The following DMD variants were observed in gnomAD, a reference collection of about 807,000 sequenced individuals.
The protein encoded by DMD is dystrophin, also known as mutant dystrophin.
DMD carries 63 observed loss-of-function variants against 330.1 expected under a neutral mutation model. The observed-to-expected ratio is 0.19, with a 90% CI of 0.16 to 0.24. The LOEUF (loss-of-function observed/expected upper bound fraction) is 0.24. Among genes scored for constraint, DMD ranks in the 10% least tolerant of loss-of-function variants. DMD has a pLI of 1.00. For missense variants in DMD, 3,344 were observed against 2,684.1 expected, an observed-to-expected ratio of 1.25 and a Z score of -5.43; for synonymous variants, 1,223 against 959.8, an observed-to-expected ratio of 1.27 and a Z score of -5.07.
chrX:33,175,922 C>T (rs1235512766), intron 1 of DMD, among the ~76,000 whole-genome samples: 2 of 111,651 alleles, frequency 1.8e-5, no homozygotes, highest in Non-Finnish European at 3.8e-5. Flanking sequence ...ATTTAATCTT[C>T]ATAGCAACCA....
At chrX:32,339,312 T>C (rs1292863876) in intron 41 of DMD, among the ~76,000 whole-genome samples, 2 of 112,067 alleles carry the variant, frequency 1.8e-5, no homozygotes, top group African/African-American at 6.5e-5. Context: ...TTCCTCAGTT[T>C]ACAGTCCGTG....
intron 28 of DMD, among the ~76,000 whole-genome samples, chrX:32,439,007 C>T (rs1408204383): frequency 4.5e-5 from 5 of 111,347 alleles, no homozygotes; most frequent in African/African-American, 1.6e-4. Context: ...TTCTCTGTTA[C>T]GTACATCCCA....
intron 44 of DMD, among the ~76,000 whole-genome samples, chrX:32,091,285 A>C (rs937273451): frequency 3.6e-5 from 4 of 112,034 alleles, no homozygotes; most frequent in Non-Finnish European, 7.5e-5. Context: ...TCTAAGAAAC[A>C]CCAGAGAATT....
At chrX:32,242,722 T>G (rs1003491332) in intron 43 of DMD, among the ~76,000 whole-genome samples, 4 of 111,277 alleles carry the variant, frequency 3.6e-5, no homozygotes, top group Non-Finnish European at 5.7e-5. Flanking sequence ...ATTATAATAC[T>G]TCATTTCTTG....
chrX:32,661,426 C>T (rs2060938896), intron 9 of DMD, among the ~76,000 whole-genome samples: 2 of 110,951 alleles, frequency 1.8e-5, no homozygotes, highest in Admixed American at 1.9e-4. Context: ...GAAACTTGCC[C>T]AAGGTCGAAG....
rs962952499 is a variant in DMD, at chrX:32,267,811, G to A, written c.6290+19718C>T. 4.5e-5 allele frequency among the ~76,000 whole-genome samples: 5 copies of A among 111,966 alleles called. No individual in the cohort carries two copies. The East Asian group carries it at 1.1e-3, about 25-fold the overall frequency. On this transcript the variant is annotated intron_variant, in intron 43 of 78. Coordinates refer to ENST00000357033, the MANE Select transcript of DMD (RefSeq NM_004006.3). The stretch of plus-strand genomic sequence containing the variant: ...AATTGGCTTGTGTAGGATTGTGCAC[G>A]TGACCTTTAATTTCCACTTCTAATT...
rs1162179227 is a variant in DMD at position 31,206,674 on chromosome X, T to C, written c.9564-7A>G. ...GATCCTCCCTGTTCGTCCCCTATTA[T>C]GAAGAATCAAAGCAGAAAACAATTA... is the stretch of plus-strand genomic sequence containing the variant. On this transcript the variant is annotated splice_region_variant and splice_polypyrimidine_tract_variant and intron_variant, in intron 65 of 78. Coordinates refer to ENST00000357033, the MANE Select transcript of DMD (RefSeq NM_004006.3). 1.5e-5 allele frequency: 18 copies of C among 1,195,961 alleles called. No homozygotes were observed. Among genetic ancestry groups the C allele is most frequent in the Non-Finnish European group, 1.8e-5 (16 of 883,142 alleles).
chrX:32,044,762 C>T, intron 44 of DMD, among the ~76,000 whole-genome samples: 1 of 111,803 alleles, frequency 8.9e-6, no homozygotes, highest in Non-Finnish European at 1.9e-5. Context: ...ACTATTATTC[C>T]AATGTTAATA....
intron 1 of DMD, among the ~76,000 whole-genome samples, chrX:33,182,036 C>A (rs899159824): frequency 8.9e-6 from 1 of 111,893 alleles, no homozygotes; most frequent in African/African-American, 3.3e-5. Flanking sequence ...TACTTATCCT[C>A]TATTTACAGC....
chrX:32,337,652 G>T (rs1416289753), intron 41 of DMD, among the ~76,000 whole-genome samples: 2 of 109,973 alleles, frequency 1.8e-5, no homozygotes, highest in Non-Finnish European at 3.8e-5. Context: ...CCTTATATTT[G>T]TTGCCATTAT....
chrX:32,204,107 T>C (rs1307857065), intron 44 of DMD, among the ~76,000 whole-genome samples: 1 of 111,634 alleles, frequency 9.0e-6, no homozygotes, highest in South Asian at 3.8e-4. Flanking sequence ...TATTATTCTT[T>C]TTATTAGTTT....
Position 33,092,997 on chromosome X carries a change from C to T in DMD, c.32-72797G>A, listed in dbSNP as rs773073784. The stretch of plus-strand genomic sequence containing the variant: ...CAAGCGATTCTCCAGCCTCAGCCTC[C>T]CAAGTAGCTAGGATTATAGGTGCCC... On this transcript the variant is annotated intron_variant, in intron 1 of 78. Transcript: ENST00000357033. Among the ~76,000 whole-genome samples the T allele has an allele frequency of 1.7e-4, 19 of 111,091 alleles. No homozygotes were observed. In the South Asian group the frequency reaches 6.1e-3, roughly 36 times the overall value.
chrX:32,809,083 C>T (rs778127513), intron 7 of DMD, among the ~76,000 whole-genome samples: 1 of 111,816 alleles, frequency 8.9e-6, no homozygotes, highest in Admixed American at 9.5e-5. Context: ...AATAGTAAAC[C>T]ATGTTGCCTT....
At chrX:32,907,950 G>A (rs185720757) in intron 2 of DMD, among the ~76,000 whole-genome samples, 5 of 109,905 alleles carry the variant, frequency 4.5e-5, no homozygotes, top group African/African-American at 1.7e-4. Context: ...GGTGCCCACA[G>A]CTCACAAATC....
intron 7 of DMD, chrX:32,756,136 T>A (rs929678138): frequency 8.9e-6 from 1 of 112,289 alleles, no homozygotes; most frequent in Non-Finnish European, 1.9e-5. Flanking sequence ...GTAACTATCA[T>A]TAAAATGCAT....
chrX:32,827,575 C>T (rs2078817306), intron 4 of DMD, among the ~76,000 whole-genome samples: 1 of 110,866 alleles, frequency 9.0e-6, no homozygotes, highest in Non-Finnish European at 1.9e-5. Flanking sequence ...CTGATCCTCT[C>T]CCTCCTCCCA....
chrX:32,280,160 A>ACAG (rs2097413483), intron 43 of DMD, among the ~76,000 whole-genome samples: 4 of 16,679 alleles, frequency 2.4e-4, no homozygotes, highest in African/African-American at 9.3e-4. Context: ...ATATATATAT[A>ACAG]TACAGTATAT....
chrX:32,401,580 G>T (rs1206835729), intron 30 of DMD, among the ~76,000 whole-genome samples: 3 of 111,503 alleles, frequency 2.7e-5, no homozygotes, highest in Non-Finnish European at 5.7e-5. Context: ...GGTAGTCAGG[G>T]GTTGGGGAGG....
rs771005450 is a variant in DMD at position 31,338,261 on chromosome X, C to T, written c.9163+10295G>A. ...CAGGCGGATCAGGAGATCAGGAGTT[C>T]GAGACCAGCCTGGCCAACCTAGTGA... On this transcript the variant is annotated intron_variant, in intron 61 of 78. Transcript: ENST00000357033. Among the ~76,000 whole-genome samples, 36 of 95,010 alleles carry T rather than the reference C, an allele frequency of 3.8e-4. No individual in the cohort carries two copies. The East Asian group carries it at 0.011, about 29-fold the overall frequency. The allele number at this position is 95,010 out of a possible 115,157, so 82.5% of individuals were successfully genotyped here. A position where few individuals can be genotyped will look rare whatever the true frequency, so the allele number is the denominator to read the frequency against.
Sources: gnomAD v4.1 joint callset for allele counts (sites outside exome capture counted in the v4.1 genomes callset) on GRCh38, gnomAD v4.1.1 for gene constraint, MANE v1.5 for transcripts, NCBI Gene and HGNC (gene_info 2026-07-23, HGNC 2026-07-21) for gene names.